The following ME1 variants were observed in gnomAD, a reference collection of about 807,000 sequenced individuals.
ME1 encodes malic enzyme 1.
In ME1, 74 loss-of-function variants were observed where a neutral mutation model predicts 66.4. The ratio of observed to expected loss-of-function variants is 1.11; its 90% confidence interval spans 0.92 to 1.35. The LOEUF (loss-of-function observed/expected upper bound fraction) is 1.35. Among genes scored for constraint, ME1 ranks in the 40% most tolerant of loss-of-function variants. The probability of loss-of-function intolerance (pLI) is 0.00; values close to 1 mark genes in which losing one functional copy is unlikely to be tolerated. For synonymous variants in ME1, 251 were observed against 235.6 expected (o/e 1.07, Z -0.60); for missense variants, 750 against 694.1 (o/e 1.08, Z -0.90).
At chr6:83,270,704 T>A (rs1767068711) in intron 6 of ME1, among the ~76,000 whole-genome samples, 1 of 152,166 alleles carries the variant, frequency 6.6e-6, no homozygotes. Context: ...AAACTAATAA[T>A]CTCTGAGAAG....
chr6:83,341,230 CAT>C (rs1768575649), intron 5 of ME1, among the ~76,000 whole-genome samples: 2 of 152,166 alleles, frequency 1.3e-5, no homozygotes, highest in East Asian at 1.9e-4. Context: ...GGAAGGGTAA[CAT>C]GTCCTGATTT....
At chr6:83,306,263 C>T (rs1041330475) in intron 6 of ME1, among the ~76,000 whole-genome samples, 1 of 151,490 alleles carries the variant, frequency 6.6e-6, no homozygotes, top group African/African-American at 2.4e-5. Flanking sequence ...CTTAATCTTG[C>T]TAAATTAAAG....
chr6:83,305,180 A>T (rs1403404290), intron 6 of ME1, among the ~76,000 whole-genome samples: 1 of 152,196 alleles, frequency 6.6e-6, no homozygotes, highest in Non-Finnish European at 1.5e-5. Context: ...TGAGTTCAAC[A>T]AATATTTATT....
chr6:83,213,765 A>G (rs1207925279), intron 13 of ME1, among the ~76,000 whole-genome samples: 2 of 152,184 alleles, frequency 1.3e-5, no homozygotes, highest in East Asian at 3.9e-4. Context: ...TCTCAATGTA[A>G]AACTATGCAT....
At chr6:83,250,776 C>A (rs551805440) in intron 7 of ME1, among the ~76,000 whole-genome samples, 1 of 152,316 alleles carries the variant, frequency 6.6e-6, no homozygotes, top group South Asian at 2.1e-4. Flanking sequence ...CCTACCAACT[C>A]CTTAGTTCAA....
chr6:83,277,980 C>G (rs1767219779), intron 6 of ME1, among the ~76,000 whole-genome samples: 1 of 151,046 alleles, frequency 6.6e-6, no homozygotes, highest in Non-Finnish European at 1.5e-5. Context: ...TCTTGGACCT[C>G]CTGCCATTTG....
intron 5 of ME1, among the ~76,000 whole-genome samples, chr6:83,323,210 G>A (rs1280771507): frequency 6.6e-6 from 1 of 152,120 alleles, no homozygotes; most frequent in Non-Finnish European, 1.5e-5. Flanking sequence ...AAACCAAAAT[G>A]TAAAGACCAT....
At chr6:83,399,380 GCA>G (rs1420718454) in intron 2 of ME1, among the ~76,000 whole-genome samples, 1 of 152,230 alleles carries the variant, frequency 6.6e-6, no homozygotes, top group Non-Finnish European at 1.5e-5. Context: ...TGCTGAAATA[GCA>G]CAGTTTTATT....
chr6:83,315,178 T>C (rs942308078), intron 6 of ME1, 132 bp downstream of exon 6: 4 of 600,808 alleles, frequency 6.7e-6, no homozygotes, highest in Non-Finnish European at 1.2e-5. Context: ...TATGAGGAAA[T>C]AGATAGGATA....
chr6:83,212,689 G>A (rs955089805), intron 13 of ME1, among the ~76,000 whole-genome samples: 5 of 149,414 alleles, frequency 3.3e-5, no homozygotes, highest in South Asian at 2.1e-4. Context: ...ATCCTAGAAC[G>A]ATGCAGTAAA....
chr6:83,346,183 G>A lies in ME1; in HGVS notation c.590C>T (p.Thr197Ile), dbSNP rs1768681820. ...ACGTAAATTATTTACCTCATTTTCGGTTCCCACATCCAGAATGACAGGCAG... is the reference window on the plus strand; with the variant it reads ...ACGTAAATTATTTACCTCATTTTCGATTCCCACATCCAGAATGACAGGCAG... ...ECLPVILDVG[T>I]ENEELLKDPL... The change falls in exon 5 of 14, where the codon ACC (threonine) becomes ATC (isoleucine). Residue 197 changes from threonine to isoleucine, a missense_variant. Physicochemically the swap from Thr to Ile is moderately conservative, Grantham distance 89 (BLOSUM62 -1). Coordinates refer to ENST00000369705, the MANE Select transcript of ME1 (RefSeq NM_002395.6). The A allele has an allele frequency of 6.2e-7, 1 of 1,605,982 alleles. No individual in the cohort carries two copies. The highest frequency in any genetic ancestry group is 8.5e-7 in the Non-Finnish European group (1 of 1,175,602).
At chr6:83,345,590 A>G (rs1257632996) in intron 5 of ME1, among the ~76,000 whole-genome samples, 1 of 152,162 alleles carries the variant, frequency 6.6e-6, no homozygotes, top group Non-Finnish European at 1.5e-5. Flanking sequence ...TTAAAAGTTC[A>G]TCCTTAACTG....
chr6:83,229,676 A>G (rs1327044802), intron 9 of ME1, among the ~76,000 whole-genome samples: 1 of 152,204 alleles, frequency 6.6e-6, no homozygotes, highest in African/African-American at 2.4e-5. Flanking sequence ...GCTCAAGGCA[A>G]GAGATTGTAC....
chr6:83,428,864 A>G lies in ME1; in HGVS notation c.78+2013T>C, dbSNP rs535868537. Among the ~76,000 whole-genome samples the G allele has an allele frequency of 5.9e-4, 90 of 152,366 alleles. 1 individual carries two copies. Among genetic ancestry groups the G allele is most frequent in the African/African-American group, 1.3e-3 (56 of 41,586 alleles). Reference sequence around the variant, plus strand: ...AATGTGCTTTTAACATATTAATGTTACATCTTATCTTTGATAGAAGATCTT... The same window carrying G: ...AATGTGCTTTTAACATATTAATGTTGCATCTTATCTTTGATAGAAGATCTT... On this transcript the variant is annotated intron_variant, in intron 1 of 13. Coordinates refer to ENST00000369705, the MANE Select transcript of ME1 (RefSeq NM_002395.6).
intron 6 of ME1, among the ~76,000 whole-genome samples, chr6:83,260,196 A>G (rs1356265168): frequency 2.0e-5 from 3 of 152,024 alleles, no homozygotes; most frequent in Admixed American, 6.6e-5. Context: ...AAGAATCACA[A>G]GCAAAATAGA....
chr6:83,314,342 T>A (rs1049681384), intron 6 of ME1, among the ~76,000 whole-genome samples: 1 of 152,214 alleles, frequency 6.6e-6, no homozygotes, highest in African/African-American at 2.4e-5. Context: ...CCAGTTACCC[T>A]GAACACATTA....
At chr6:83,272,566 T>A (rs969055908) in intron 6 of ME1, among the ~76,000 whole-genome samples, 1 of 152,152 alleles carries the variant, frequency 6.6e-6, no homozygotes, top group African/African-American at 2.4e-5. Context: ...TTGCAAATAT[T>A]CCCACGGTTC....
At position 83,319,817 on chromosome 6, in the gene ME1, C is replaced by G. The variant is rs143622656; in HGVS notation, c.601-4404G>C. Among the ~76,000 whole-genome samples the G allele has an allele frequency of 4.0e-3, 615 of 152,238 alleles. 2 individuals carry two copies. The highest frequency in any genetic ancestry group is 0.02 in the Middle Eastern group (6 of 294). ...TGTGCCCAGTTAGATTTCAGAATTGCTATGTACCATTTAGAGCCATATGAT... is the reference window on the plus strand; with the variant it reads ...TGTGCCCAGTTAGATTTCAGAATTGGTATGTACCATTTAGAGCCATATGAT... On this transcript the variant is annotated intron_variant, in intron 5 of 13. Transcript: ENST00000369705.
intron 6 of ME1, among the ~76,000 whole-genome samples, chr6:83,283,227 C>CAAAAAAAAAAAAAAA (rs71545854): frequency 4.5e-4 from 13 of 28,908 alleles, no homozygotes; most frequent in African/African-American, 1.5e-3. Context: ...GACTCCGTCT[C>CAAAAAAAAAAAAAAA]AAAAAAAAAA....
Sources: gnomAD v4.1 joint callset for allele counts (sites outside exome capture counted in the v4.1 genomes callset) on GRCh38, gnomAD v4.1.1 for gene constraint, MANE v1.5 for transcripts, NCBI Gene and HGNC (gene_info 2026-07-23, HGNC 2026-07-21) for gene names.